Variants in AFG1L observed in about 807,000 individuals in gnomAD.
AFG1L encodes AFG1-like ATPase.
Under a neutral mutation model 62.2 loss-of-function variants are expected in AFG1L, and 53 were observed. The ratio of observed to expected loss-of-function variants is 0.85; its 90% CI spans 0.68 to 1.07. AFG1L has a LOEUF of 1.07. Ranked by LOEUF, AFG1L falls within the 50% of genes least tolerant of loss-of-function variation. The pLI is 0.00. For missense variants in AFG1L, 555 were observed against 590.5 expected (o/e 0.94, Z 0.62); for synonymous variants, 228 against 210.3 (o/e 1.08, Z -0.73).
At chr6:108,318,857 C>A (rs901264081) in intron 1 of AFG1L, among the ~76,000 whole-genome samples, 5 of 152,220 alleles carry the variant, frequency 3.3e-5, no homozygotes, top group African/African-American at 1.2e-4. Context: ...AATAATATGG[C>A]AGCAGCATCA....
At chr6:108,490,376 C>A (rs1188470016) in intron 10 of AFG1L, among the ~76,000 whole-genome samples, 3 of 151,648 alleles carry the variant, frequency 2.0e-5, no homozygotes, top group African/African-American at 7.3e-5. Flanking sequence ...AACAAACAAA[C>A]AAAAAAACAG....
intron 6 of AFG1L, among the ~76,000 whole-genome samples, chr6:108,381,997 G>GCTT (rs1458092600): frequency 8.5e-6 from 1 of 118,328 alleles, no homozygotes; most frequent in African/African-American, 3.1e-5. Flanking sequence ...TTTATTCACT[G>GCTT]TTTTTTTTTT....
Position 108,295,145 on chromosome 6 carries a change from A to C in AFG1L, c.66A>C (p.Arg22Ser). The C allele has an allele frequency of 6.2e-7, 1 of 1,610,362 alleles. No homozygotes were observed. Among genetic ancestry groups the C allele is most frequent in the East Asian group, 2.2e-5 (1 of 44,840 alleles). The change falls in exon 1 of 13, where the codon AGA becomes AGC. Residue 22 changes from arginine to serine, a missense_variant. Transcript: ENST00000368977. ...TAGCACAGAGCCCGCTGAGAGGGAG[A>C]TGTGTTGGGTGCGGGGCCTGGGCCG... ...RPLAQSPLRG[R>S]CVGCGAWAAA... is the part of the protein sequence containing the mutation.
rs372223340 is a variant in AFG1L at position 108,360,860 on chromosome 6, G to A, written c.648+4040G>A. Among the ~76,000 whole-genome samples, 37 of 152,260 alleles carry A rather than the reference G, an allele frequency of 2.4e-4. No homozygotes were observed. In the South Asian group the frequency reaches 7.0e-3, roughly 29 times the overall value. On this transcript the variant is annotated intron_variant, in intron 5 of 12. Transcript: ENST00000368977. Reference sequence around the variant, plus strand: ...AAGAGGTTGAAATATACTCCAAAATGTTGCTGCACCAGCACTCTGATCCCC... The same window carrying A: ...AAGAGGTTGAAATATACTCCAAAATATTGCTGCACCAGCACTCTGATCCCC...
At chr6:108,504,296 A>T (rs1479142517) in intron 10 of AFG1L, among the ~76,000 whole-genome samples, 1 of 152,226 alleles carries the variant, frequency 6.6e-6, no homozygotes, top group Admixed American at 6.5e-5. Context: ...AGAGATGTAC[A>T]ACTCTTCCTT....
At chr6:108,426,220 C>CT (rs954680101) in intron 7 of AFG1L, among the ~76,000 whole-genome samples, 15 of 147,136 alleles carry the variant, frequency 1.0e-4, no homozygotes, top group South Asian at 8.6e-4. Flanking sequence ...TTATAGTGCA[C>CT]TTTTTTTTTT....
chr6:108,381,115 A>AT (rs538832073), intron 6 of AFG1L, among the ~76,000 whole-genome samples: 2 of 152,220 alleles, frequency 1.3e-5, no homozygotes, highest in Non-Finnish European at 1.5e-5. Context: ...AAAAACACTC[A>AT]TTTTATATTT....
intron 11 of AFG1L, among the ~76,000 whole-genome samples, chr6:108,516,525 A>T (rs1158626763): frequency 6.6e-6 from 1 of 152,232 alleles, no homozygotes; most frequent in Non-Finnish European, 1.5e-5. Context: ...GCTATCTATG[A>T]CAAACCCACA....
chr6:108,475,516 G>A (rs1773072443), intron 8 of AFG1L, among the ~76,000 whole-genome samples: 1 of 152,094 alleles, frequency 6.6e-6, no homozygotes, highest in Non-Finnish European at 1.5e-5. Flanking sequence ...ACATTGGTTT[G>A]TGTGATTTCT....
At chr6:108,318,279 A>G (rs1777681530) in intron 1 of AFG1L, 3 of 308,234 alleles carry the variant, frequency 9.7e-6, no homozygotes, top group South Asian at 3.0e-5. Flanking sequence ...CTAAAACACA[A>G]AGAAGACTGT....
rs1780860195 is a variant in AFG1L, at chr6:108,388,205, A to G, written c.749-13791A>G. On this transcript the variant is annotated intron_variant, in intron 6 of 12. Transcript: ENST00000368977. ...TCTTTTTCACACACAAAGGATTCCC[A>G]GAAATGTCTAAGTTTTGTTCTCTTT... 3.9e-5 allele frequency: 6 copies of G among 152,306 alleles called. No individual in the cohort carries two copies. The South Asian group carries it at 8.3e-4, about 21-fold the overall frequency. The allele number at this position is 152,306 out of a possible 1,614,324, so 9.4% of individuals were successfully genotyped here.
At chr6:108,369,309 CAT>C (rs1350496486) in intron 6 of AFG1L, among the ~76,000 whole-genome samples, 1 of 152,086 alleles carries the variant, frequency 6.6e-6, no homozygotes, top group Non-Finnish European at 1.5e-5. Context: ...GCTAAAAACT[CAT>C]AGAACCGTAG....
chr6:108,482,977 A>G (rs1270756181), intron 10 of AFG1L, among the ~76,000 whole-genome samples: 1 of 152,108 alleles, frequency 6.6e-6, no homozygotes, highest in Admixed American at 6.6e-5. Flanking sequence ...GTTTTCATGT[A>G]GCATCAAAGA....
chr6:108,523,942 A>G lies in AFG1L; in HGVS notation c.*1517A>G, dbSNP rs1775224423. On this transcript the variant is annotated 3_prime_UTR_variant, in exon 13 of 13. Transcript: ENST00000368977. Reference sequence around the variant, plus strand: ...ACCACTTTGTGCTGGATTGAATGCTATATATTTACATTAGCTCAGTTAAAA... The same window carrying G: ...ACCACTTTGTGCTGGATTGAATGCTGTATATTTACATTAGCTCAGTTAAAA... 2 of 151,822 alleles carry G rather than the reference A, an allele frequency of 1.3e-5. No homozygotes were observed. Among genetic ancestry groups the G allele is most frequent in the Admixed American group, 6.6e-5 (1 of 15,186 alleles). The allele number at this position is 151,822 out of a possible 1,614,324, so 9.4% of individuals were successfully genotyped here.
At chr6:108,521,935 G>C (rs778808051) in intron 12 of AFG1L, 2 of 167,554 alleles carry the variant, frequency 1.2e-5, no homozygotes, top group South Asian at 2.8e-4. Flanking sequence ...GCTCTCCAGA[G>C]GTTTGTCCTT....
chr6:108,383,863 C>T (rs184549860), intron 6 of AFG1L, among the ~76,000 whole-genome samples: 7 of 151,828 alleles, frequency 4.6e-5, no homozygotes, highest in Admixed American at 3.9e-4. Context: ...AGCTAGAAAA[C>T]AGCAAAAAAG....
At chr6:108,413,228 A>G (rs1232460709) in intron 7 of AFG1L, among the ~76,000 whole-genome samples, 1 of 152,240 alleles carries the variant, frequency 6.6e-6, no homozygotes, top group Non-Finnish European at 1.5e-5. Context: ...TATCTTAAAT[A>G]TGTATGCACT....
chr6:108,437,276 T>C (rs1771352397), intron 7 of AFG1L, among the ~76,000 whole-genome samples: 1 of 152,232 alleles, frequency 6.6e-6, no homozygotes, highest in South Asian at 2.1e-4. Context: ...ATGCCAGGTC[T>C]TATTATGGGA....
At chr6:108,432,926 A>G (rs542223679) in intron 7 of AFG1L, among the ~76,000 whole-genome samples, 1 of 152,316 alleles carries the variant, frequency 6.6e-6, no homozygotes, top group East Asian at 1.9e-4. Flanking sequence ...TTGGTTCAGG[A>G]AATTCACACC....
Sources: allele counts gnomAD v4.1 joint callset (sites outside exome capture counted in the v4.1 genomes callset), GRCh38; gene constraint gnomAD v4.1.1; transcripts MANE v1.5; gene names NCBI Gene and HGNC (gene_info 2026-07-23, HGNC 2026-07-21).